Variants in NBAS observed in about 807,000 individuals in gnomAD.
NBAS encodes NAG/BC035112 fusion.
A neutral mutation model predicts 302.5 loss-of-function variants in NBAS; 219 were observed. That is an observed-to-expected ratio of 0.72 (90% confidence interval 0.65 to 0.81). NBAS has a LOEUF of 0.81. Ranked by LOEUF, NBAS falls within the 30% of genes least tolerant of loss-of-function variation. The pLI is 0.00. For missense variants in NBAS, 2,932 were observed against 2,841.6 expected (o/e 1.03, Z -0.72); for synonymous variants, 1,118 against 1,021.6 (o/e 1.09, Z -1.80).
At position 15,546,718 on chromosome 2, in the gene NBAS, A is replaced by G. The variant is rs1664135143; in HGVS notation, c.379+4775T>C. ...ACTCCAGCCTCAGTGACAGAGCCAGACTCCGTCTGAAAACAAAACAAAAAA... is the reference window on the plus strand; with the variant it reads ...ACTCCAGCCTCAGTGACAGAGCCAGGCTCCGTCTGAAAACAAAACAAAAAA... On this transcript the variant is annotated intron_variant, in intron 6 of 51. Transcript: ENST00000281513. Among the ~76,000 whole-genome samples the G allele has an allele frequency of 2.0e-5, 3 of 152,148 alleles. 1 individual carries two copies. The South Asian group carries it at 6.2e-4, about 32-fold the overall frequency.
intron 12 of NBAS, among the ~76,000 whole-genome samples, chr2:15,486,735 C>T (rs184207014): frequency 7.2e-5 from 11 of 151,866 alleles, no homozygotes; most frequent in African/African-American, 2.7e-4. Context: ...TTTTAAACAA[C>T]TTTTACTTTT....
the NBAS span, among the ~76,000 whole-genome samples, chr2:14,897,063 CT>C: frequency 3.7e-4 from 51 of 136,422 alleles, no homozygotes; most frequent in East Asian, 1.0e-3. Context: ...AGCCGTTCCT[CT>C]TTTTTTTTTT....
the NBAS span, among the ~76,000 whole-genome samples, chr2:14,865,390 G>C: frequency 1.3e-5 from 2 of 152,204 alleles, no homozygotes; most frequent in Non-Finnish European, 2.9e-5. Flanking sequence ...AAATCTCTCG[G>C]AGACAAAAGT....
chr2:15,228,444 T>C (rs940213538), intron 47 of NBAS, among the ~76,000 whole-genome samples: 1 of 152,130 alleles, frequency 6.6e-6, no homozygotes, highest in African/African-American at 2.4e-5. Flanking sequence ...CCCCTAAAAA[T>C]TGAAAATAGG....
chr2:14,827,284 T>C, the NBAS span, among the ~76,000 whole-genome samples: 1 of 152,240 alleles, frequency 6.6e-6, no homozygotes, highest in Non-Finnish European at 1.5e-5. Flanking sequence ...CATGTTAATA[T>C]TGTTAATTCA....
rs751897217 is a variant in NBAS at position 15,330,742 on chromosome 2, G to A, written c.4203C>T (p.Ser1401=). The A allele has an allele frequency of 3.1e-6, 5 of 1,613,950 alleles. No homozygotes were observed. Among genetic ancestry groups the A allele is most frequent in the South Asian group, 1.1e-5 (1 of 91,078 alleles). ...VQEDEVGVPG[S]NSADLLRWTT... ...TCCAGCGCAATAGGTCAGCTGAATT[G>A]CTACCTGGAACACCTACTTCATCCT... Residue 1401 remains serine (S), a synonymous_variant, in exon 36 of 52, where the codon AGC becomes AGT. Transcript: ENST00000281513.
chr2:14,860,834 G>C, the NBAS span, among the ~76,000 whole-genome samples: 1 of 152,122 alleles, frequency 6.6e-6, no homozygotes, highest in South Asian at 2.1e-4. Context: ...AGCTCGAAGA[G>C]AGTAATTCAA....
chr2:15,453,523 T>G (rs541246452), intron 21 of NBAS, among the ~76,000 whole-genome samples: 18 of 152,190 alleles, frequency 1.2e-4, no homozygotes, highest in Non-Finnish European at 2.4e-4. Flanking sequence ...TTTTTAGCCT[T>G]ACTGATAAGC....
the NBAS span, among the ~76,000 whole-genome samples, chr2:14,932,711 T>C: frequency 2.6e-5 from 4 of 152,238 alleles, no homozygotes; most frequent in Non-Finnish European, 5.9e-5. Context: ...CACCTGGTAC[T>C]TTTAAATTAT....
chr2:15,186,714 T>A, intron 50 of NBAS, 28 bp downstream of exon 50: 1 of 1,613,534 alleles, frequency 6.2e-7, no homozygotes, highest in South Asian at 1.1e-5. Flanking sequence ...GGCCACTCCT[T>A]AGGAAAGCAC....
At chr2:15,010,015 A>T in the NBAS span, among the ~76,000 whole-genome samples, 3 of 152,196 alleles carry the variant, frequency 2.0e-5, no homozygotes, top group Admixed American at 1.3e-4. Flanking sequence ...AAATTCTTCA[A>T]TCTGATACAT....
At chr2:15,525,255 G>T (rs1034073323) in intron 9 of NBAS, among the ~76,000 whole-genome samples, 4 of 152,108 alleles carry the variant, frequency 2.6e-5, no homozygotes, top group Non-Finnish European at 5.9e-5. Flanking sequence ...TTCCCACAAC[G>T]CCTGCTGTTA....
intron 21 of NBAS, among the ~76,000 whole-genome samples, chr2:15,439,080 G>C (rs1489020153): frequency 6.6e-6 from 1 of 152,124 alleles, no homozygotes; most frequent in Non-Finnish European, 1.5e-5. Flanking sequence ...CGGACCACGA[G>C]GTCTGCAGAT....
At chr2:15,468,721 C>T (rs1482947524) in intron 16 of NBAS, among the ~76,000 whole-genome samples, 188 bp from the exon 17 acceptor site, 2 of 152,134 alleles carry the variant, frequency 1.3e-5, no homozygotes, top group Non-Finnish European at 2.9e-5. Context: ...CAACTGGATG[C>T]GGGGAGTGTG....
the NBAS span, among the ~76,000 whole-genome samples, chr2:15,089,915 A>G: frequency 6.6e-6 from 1 of 151,660 alleles, no homozygotes; most frequent in Non-Finnish European, 1.5e-5. Flanking sequence ...CACCTGGCTA[A>G]TTTTTGTATT....
rs779328489 is a variant in NBAS at position 15,292,737 on chromosome 2, G to T, written c.4827C>A (p.Val1609=). The change falls in exon 41 of 52, where the codon GTC becomes GTA. Residue 1609 remains valine, a synonymous_variant. Coordinates refer to ENST00000281513, the MANE Select transcript of NBAS (RefSeq NM_015909.4). ...RADPKELIKM[V]TRHVTRHEHE... ...GCTCATGTCGAGTCACATGCCTGGT[G>T]ACCATCTTGATTAGTTCTTTGGGAT... 2 of 1,614,146 alleles carry T rather than the reference G, an allele frequency of 1.2e-6. No individual in the cohort carries two copies. Among genetic ancestry groups the T allele is most frequent in the East Asian group, 2.2e-5 (1 of 44,870 alleles).
the NBAS span, among the ~76,000 whole-genome samples, chr2:15,085,184 C>T: frequency 6.6e-6 from 1 of 152,130 alleles, no homozygotes; most frequent in South Asian, 2.1e-4. Context: ...ACACGGAGTG[C>T]GGGGGCCGGT....
intron 44 of NBAS, among the ~76,000 whole-genome samples, chr2:15,254,038 C>T (rs1668475601): frequency 6.6e-6 from 1 of 152,250 alleles, no homozygotes; most frequent in East Asian, 1.9e-4. Flanking sequence ...TAGACATAAG[C>T]AATTGCCAGC....
At chr2:15,100,648 G>A in the NBAS span, among the ~76,000 whole-genome samples, 1 of 152,110 alleles carries the variant, frequency 6.6e-6, no homozygotes, top group South Asian at 2.1e-4. Flanking sequence ...TTTCTAAAAT[G>A]ACAAGTAGTC....
Sources: gnomAD v4.1 joint callset for allele counts (sites outside exome capture counted in the v4.1 genomes callset) on GRCh38, gnomAD v4.1.1 for gene constraint, MANE v1.5 for transcripts, NCBI Gene and HGNC (gene_info 2026-07-23, HGNC 2026-07-21) for gene names.